The following CCNY variants were observed in gnomAD, a reference collection of about 807,000 sequenced individuals.
The protein encoded by CCNY is cyclin Y.
Under a neutral mutation model 42.8 loss-of-function variants are expected in CCNY, and 19 were observed. That is an observed-to-expected ratio of 0.44 (90% CI 0.31 to 0.65). CCNY has a LOEUF of 0.65. CCNY is among the 30% of genes least tolerant of loss of function. The probability of loss-of-function intolerance (pLI) is 0.07; values close to 1 mark genes in which losing one functional copy is unlikely to be tolerated. For missense variants in CCNY, 370 were observed against 437.3 expected (o/e 0.85, Z 1.37); for synonymous variants, 165 against 162.7 (o/e 1.01, Z -0.11).
chr10:35,328,921 C>T (rs555016671), intron 3 of CCNY, among the ~76,000 whole-genome samples: 1 of 152,314 alleles, frequency 6.6e-6, no homozygotes, highest in East Asian at 1.9e-4. Context: ...CTGTTTTCCA[C>T]TTCAGAGCTT....
chr10:35,345,527 T>A (rs1191269282), intron 1 of CCNY, among the ~76,000 whole-genome samples: 1 of 150,528 alleles, frequency 6.6e-6, no homozygotes, highest in Non-Finnish European at 1.5e-5. Flanking sequence ...AGGATCCAAA[T>A]GAGGCTAAAA....
At chr10:35,481,531 G>A (rs1839669293) in intron 1 of CCNY, among the ~76,000 whole-genome samples, 1 of 152,174 alleles carries the variant, frequency 6.6e-6, no homozygotes, top group African/African-American at 2.4e-5. Flanking sequence ...AACTGGTCTG[G>A]TAGATGAGTC....
intron 1 of CCNY, among the ~76,000 whole-genome samples, chr10:35,463,384 A>G (rs1839195374): frequency 6.6e-6 from 1 of 152,218 alleles, no homozygotes; most frequent in Admixed American, 6.5e-5. Flanking sequence ...CTCAGTAACA[A>G]TGGACGTAGA....
chr10:35,562,551 A>G (rs912098924), intron 8 of CCNY, among the ~76,000 whole-genome samples: 4 of 152,328 alleles, frequency 2.6e-5, no homozygotes, highest in African/African-American at 9.6e-5. Flanking sequence ...GACCTCACAC[A>G]AGTGGGATCA....
At chr10:35,361,484 A>C (rs1294388002) in intron 1 of CCNY, among the ~76,000 whole-genome samples, 1 of 152,220 alleles carries the variant, frequency 6.6e-6, no homozygotes, top group Non-Finnish European at 1.5e-5. Flanking sequence ...TTTTTTAAAA[A>C]ACTCATACAT....
intron 1 of CCNY, among the ~76,000 whole-genome samples, chr10:35,381,595 G>A (rs1209074136): frequency 6.6e-6 from 1 of 151,544 alleles, no homozygotes; most frequent in Admixed American, 6.6e-5. Flanking sequence ...AATACTGTAT[G>A]CAACATGGAG....
intron 4 of CCNY, among the ~76,000 whole-genome samples, chr10:35,523,328 G>A (rs191016443): frequency 3.5e-4 from 54 of 152,310 alleles, no homozygotes; most frequent in African/African-American, 1.2e-3. Context: ...AAAAGGGGGC[G>A]CAGTGGGGCA....
intron 8 of CCNY, among the ~76,000 whole-genome samples, chr10:35,554,479 A>G (rs1841323327): frequency 6.6e-6 from 1 of 152,214 alleles, no homozygotes; most frequent in Non-Finnish European, 1.5e-5. Flanking sequence ...AACAGCTACT[A>G]AAATAGTTGT....
At chr10:35,412,963 A>G (rs1412481755) in intron 1 of CCNY, among the ~76,000 whole-genome samples, 10 of 150,706 alleles carry the variant, frequency 6.6e-5, no homozygotes, top group Non-Finnish European at 1.3e-4. Flanking sequence ...TGGAGGCTGG[A>G]AATAGTGGAC....
intron 1 of CCNY, among the ~76,000 whole-genome samples, chr10:35,374,785 G>A (rs375245722): frequency 1.2e-4 from 19 of 152,288 alleles, no homozygotes; most frequent in East Asian, 9.6e-4. Context: ...GTTAAAGATA[G>A]TGGGAAAAAA....
In CCNY at chr10:35,336,617, GC is replaced by G. The variant is rs1411133797; in HGVS notation, c.-432del. On this transcript the variant is annotated 5_prime_UTR_variant, in exon 1 of 10. Transcript: ENST00000374704. ...CCCGCCGTCCGGCGCGGACACGCGTGCCCCCGGCTTGAACCGGAACCTCTTG... is the reference window on the plus strand; with the variant it reads ...CCCGCCGTCCGGCGCGGACACGCGTGCCCCGGCTTGAACCGGAACCTCTTG... Among the ~76,000 whole-genome samples the G allele has an allele frequency of 1.2e-4, 17 of 147,490 alleles. 1 individual carries two copies. In the South Asian group the frequency reaches 3.0e-3, roughly 26 times the overall value.
At chr10:35,375,596 A>G (rs1837034933) in intron 1 of CCNY, among the ~76,000 whole-genome samples, 1 of 152,210 alleles carries the variant, frequency 6.6e-6, no homozygotes, top group Admixed American at 6.5e-5. Flanking sequence ...GGGGTACTGA[A>G]GTTCAGGAAA....
intron 1 of CCNY, among the ~76,000 whole-genome samples, chr10:35,470,436 C>G (rs1839368994): frequency 6.6e-6 from 1 of 152,220 alleles, no homozygotes. Context: ...TAGCAACCCA[C>G]TTGCGGAGAG....
chr10:35,359,068 G>C (rs913691309), intron 1 of CCNY, among the ~76,000 whole-genome samples: 4 of 152,224 alleles, frequency 2.6e-5, no homozygotes, highest in Non-Finnish European at 4.4e-5. Context: ...TTGCCTACAT[G>C]GCTTATTAGG....
At chr10:35,376,102 C>T (rs371680399) in intron 1 of CCNY, among the ~76,000 whole-genome samples, 12 of 152,210 alleles carry the variant, frequency 7.9e-5, no homozygotes, top group African/African-American at 2.2e-4. Flanking sequence ...TGACCTCATA[C>T]GGAAGGAGAC....
At chr10:35,562,146 C>T (rs1841479027) in intron 8 of CCNY, among the ~76,000 whole-genome samples, 1 of 152,164 alleles carries the variant, frequency 6.6e-6, no homozygotes, top group South Asian at 2.1e-4. Flanking sequence ...TTTTGTTTTG[C>T]ACTGTTCCCG....
At chr10:35,367,914 C>G (rs1836844365) in intron 1 of CCNY, among the ~76,000 whole-genome samples, 1 of 152,200 alleles carries the variant, frequency 6.6e-6, no homozygotes, top group Non-Finnish European at 1.5e-5. Flanking sequence ...TACATACTGC[C>G]CCTCTCCCAC....
At chr10:35,401,636 A>G (rs1487080201) in intron 1 of CCNY, among the ~76,000 whole-genome samples, 1 of 152,030 alleles carries the variant, frequency 6.6e-6, no homozygotes, top group African/African-American at 2.4e-5. Flanking sequence ...GAGACCACCA[A>G]ACAGGCTTTG....
intron 3 of CCNY, among the ~76,000 whole-genome samples, chr10:35,297,269 A>C (rs1055420632): frequency 1.3e-5 from 2 of 152,218 alleles, no homozygotes; most frequent in African/African-American, 4.8e-5. Flanking sequence ...TAATGATCTC[A>C]ATAGATGCAG....
Sources: allele counts gnomAD v4.1 joint callset (sites outside exome capture counted in the v4.1 genomes callset), GRCh38; gene constraint gnomAD v4.1.1; transcripts MANE v1.5; gene names NCBI Gene and HGNC (gene_info 2026-07-23, HGNC 2026-07-21).